The following PALMD variants were observed in gnomAD, a reference collection of about 807,000 sequenced individuals.
PALMD encodes the protein palmdelphin.
In PALMD, 42 loss-of-function variants were observed where a neutral mutation model predicts 56.2. The ratio of observed to expected loss-of-function variants is 0.75; its 90% CI spans 0.58 to 0.97. PALMD has a LOEUF of 0.97. Ranked by LOEUF, PALMD falls within the 50% of genes least tolerant of loss-of-function variation. The pLI is 0.00. For missense variants in PALMD, 660 were observed against 643.8 expected (o/e 1.03, Z -0.27); for synonymous variants, 242 against 222.9 (o/e 1.09, Z -0.76).
At chr1:99,683,380 T>C (rs1653415963) in intron 3 of PALMD, 2 of 152,252 alleles carry the variant, frequency 1.3e-5, no homozygotes, top group Non-Finnish European at 2.9e-5. Flanking sequence ...ATATCACACT[T>C]GATTGTCTCA....
At chr1:99,667,445 G>T in intron 2 of PALMD, 197 bp from the exon 3 acceptor site, 1 of 561,686 alleles carries the variant, frequency 1.8e-6, no homozygotes. Flanking sequence ...GGATTTAGAT[G>T]CATAAAACCT....
chr1:99,655,722 T>G (rs577619952), intron 1 of PALMD, among the ~76,000 whole-genome samples: 156 of 152,350 alleles, frequency 1.0e-3, no homozygotes, highest in African/African-American at 3.7e-3. Context: ...AGAGCAGCTC[T>G]GTCTTCAATG....
Position 99,689,725 on chromosome 1 carries a change from A to G in PALMD, c.1465A>G (p.Ser489Gly). The G allele has an allele frequency of 6.2e-7, 1 of 1,613,910 alleles. No homozygotes were observed. Among genetic ancestry groups the G allele is most frequent in the South Asian group, 1.1e-5 (1 of 91,070 alleles). ...ACTTCCTAGAAAAAGATCAGAAGCTAGTCCTCATGAAAACACAAATCATAA... is the reference window on the plus strand; with the variant it reads ...ACTTCCTAGAAAAAGATCAGAAGCTGGTCCTCATGAAAACACAAATCATAA... ...TPLPRKRSEA[S>G]PHENTNHKSP... Residue 489 changes from serine to glycine, a missense_variant, in exon 7 of 8, where the codon AGT (serine) becomes GGT (glycine). Coordinates refer to ENST00000263174, the MANE Select transcript of PALMD (RefSeq NM_017734.5).
At chr1:99,662,600 T>A (rs1213402747) in intron 2 of PALMD, among the ~76,000 whole-genome samples, 1 of 152,218 alleles carries the variant, frequency 6.6e-6, no homozygotes, top group Non-Finnish European at 1.5e-5. Context: ...ATGTGCAAAG[T>A]TGAACACATG....
intron 1 of PALMD, among the ~76,000 whole-genome samples, chr1:99,659,324 G>A (rs1051938794): frequency 6.6e-6 from 1 of 152,152 alleles, no homozygotes; most frequent in African/African-American, 2.4e-5. Flanking sequence ...AAATTTCTGG[G>A]CGTCAGTTGC....
At chr1:99,652,792 C>T (rs1346563818) in intron 1 of PALMD, among the ~76,000 whole-genome samples, 2 of 152,010 alleles carry the variant, frequency 1.3e-5, no homozygotes, top group Non-Finnish European at 2.9e-5. Flanking sequence ...TACAGTTTGA[C>T]GTGGAGCCAA....
At chr1:99,657,184 G>A (rs1652744607) in intron 1 of PALMD, among the ~76,000 whole-genome samples, 1 of 152,066 alleles carries the variant, frequency 6.6e-6, no homozygotes, top group South Asian at 2.1e-4. Flanking sequence ...CTCTAGCTCT[G>A]ATTCTTCATC....
At chr1:99,664,178 G>C (rs1366722342) in intron 2 of PALMD, among the ~76,000 whole-genome samples, 1 of 152,152 alleles carries the variant, frequency 6.6e-6, no homozygotes, top group Non-Finnish European at 1.5e-5. Context: ...GCATGGAGCA[G>C]GGCTAGGAGT....
At chr1:99,687,270 T>C (rs1653524045) in intron 6 of PALMD, 81 bp downstream of exon 6, 1 of 1,442,852 alleles carries the variant, frequency 6.9e-7, no homozygotes, top group Non-Finnish European at 9.2e-7. Context: ...TGCTATGACA[T>C]ATTATTCTTC....
intron 1 of PALMD, among the ~76,000 whole-genome samples, chr1:99,653,727 G>C (rs916339971): frequency 1.3e-5 from 2 of 152,042 alleles, no homozygotes; most frequent in Non-Finnish European, 2.9e-5. Context: ...ATATCACATG[G>C]ATCGACACCC....
chr1:99,681,135 G>A (rs201603034), intron 3 of PALMD, among the ~76,000 whole-genome samples: 2 of 119,872 alleles, frequency 1.7e-5, no homozygotes, highest in African/African-American at 3.9e-5. Context: ...GTGTGTGTGT[G>A]TATGTATATA....
At chr1:99,666,811 C>T (rs1023577712) in intron 2 of PALMD, among the ~76,000 whole-genome samples, 1 of 152,166 alleles carries the variant, frequency 6.6e-6, no homozygotes. Context: ...CCAAAATTTA[C>T]AGGTCTTTTT....
chr1:99,664,276 A>G (rs977672289), intron 2 of PALMD, among the ~76,000 whole-genome samples: 1 of 152,202 alleles, frequency 6.6e-6, no homozygotes, highest in African/African-American at 2.4e-5. Context: ...AAACTACAGT[A>G]TAATTATTCT....
At chr1:99,667,503 T>A (rs113932351) in intron 2 of PALMD, 139 bp from the exon 3 acceptor site, 1 of 733,486 alleles carries the variant, frequency 1.4e-6, no homozygotes, top group Non-Finnish European at 2.4e-6. Flanking sequence ...AATACCAGAT[T>A]TATTCAGGCA....
intron 2 of PALMD, among the ~76,000 whole-genome samples, chr1:99,664,868 A>C (rs1347749819): frequency 6.6e-6 from 1 of 152,130 alleles, no homozygotes; most frequent in Non-Finnish European, 1.5e-5. Context: ...AACATTTACA[A>C]AGTGTTCCTC....
chr1:99,679,504 C>A (rs1251771502), intron 3 of PALMD, among the ~76,000 whole-genome samples: 2 of 152,054 alleles, frequency 1.3e-5, no homozygotes, highest in Non-Finnish European at 2.9e-5. Flanking sequence ...ATGGACTAAC[C>A]CACTGAGCAG....
intron 1 of PALMD, among the ~76,000 whole-genome samples, chr1:99,654,959 T>C (rs1359409441): frequency 3.9e-5 from 6 of 152,286 alleles, no homozygotes; most frequent in Non-Finnish European, 2.9e-5. Context: ...TATTAATCAA[T>C]ACATTTTTTA....
chr1:99,694,036 G>A lies in PALMD; in HGVS notation c.1630G>A (p.Ala544Thr). 1.2e-6 allele frequency: 2 copies of A among 1,602,966 alleles called. No homozygotes were observed. The highest frequency in any genetic ancestry group is 1.7e-6 in the Non-Finnish European group (2 of 1,172,246). Residue 544 changes from alanine to threonine, a missense_variant, in exon 8 of 8, where the codon GCA becomes ACA. Physicochemically the swap from Ala to Thr is moderately conservative, Grantham distance 58. Coordinates refer to ENST00000263174, the MANE Select transcript of PALMD (RefSeq NM_017734.5). ...PSLTALRMRM[A>T]KLGKKVI The stretch of plus-strand genomic sequence containing the variant: ...ATTTGCAGCTTTAAGGATGAGAATG[G>A]CAAAGCTGGGAAAAAAGGTGATCTA...
intron 3 of PALMD, among the ~76,000 whole-genome samples, chr1:99,678,892 A>G (rs1653276871): frequency 6.6e-6 from 1 of 152,064 alleles, no homozygotes; most frequent in African/African-American, 2.4e-5. Flanking sequence ...TAGGGAGGCC[A>G]AGGCAAGGCG....
Sources: allele counts gnomAD v4.1 joint callset (sites outside exome capture counted in the v4.1 genomes callset), GRCh38; gene constraint gnomAD v4.1.1; transcripts MANE v1.5; gene names NCBI Gene and HGNC (gene_info 2026-07-23, HGNC 2026-07-21).